DOCK8: variants seen among roughly 807,000 people sequenced by gnomAD.
DOCK8 encodes dedicator of cytokinesis 8, also known as dedicator of cytokinesis protein 8.
DOCK8 carries 141 observed loss-of-function variants against 245.6 expected under a neutral mutation model. The observed-to-expected ratio is 0.57, with a 90% CI of 0.50 to 0.66. The LOEUF (loss-of-function observed/expected upper bound fraction) is 0.66, where lower values mean the gene tolerates loss of function less well. Among genes scored for constraint, DOCK8 ranks in the 30% least tolerant of loss-of-function variants. DOCK8 has a pLI of 0.00. For missense variants in DOCK8, 2,965 were observed against 2,603.4 expected (o/e 1.14, Z -3.02); for synonymous variants, 1,168 against 970.2 (o/e 1.20, Z -3.79).
chr9:409,484 G>A (rs1434949771), intron 28 of DOCK8, among the ~76,000 whole-genome samples: 1 of 151,792 alleles, frequency 6.6e-6, no homozygotes, highest in Non-Finnish European at 1.5e-5. Flanking sequence ...TAAAATTTTG[G>A]TTAATATTTT....
intron 1 of DOCK8, among the ~76,000 whole-genome samples, chr9:262,687 AG>A (rs1314414787): frequency 6.6e-6 from 1 of 151,962 alleles, no homozygotes; most frequent in Non-Finnish European, 1.5e-5. Context: ...GTAAAAATTA[AG>A]AAGGGGCATG....
At chr9:253,063 T>A (rs11795260) in intron 1 of DOCK8, among the ~76,000 whole-genome samples, 4,230 of 152,208 alleles carry the variant, frequency 0.028, 82 homozygotes, top group South Asian at 0.048. Context: ...TTACACTCCA[T>A]CCCTCCTGGA....
intron 14 of DOCK8, 103 bp downstream of exon 14, chr9:340,424 C>A: frequency 6.9e-7 from 1 of 1,453,600 alleles, no homozygotes; most frequent in South Asian, 1.2e-5. Flanking sequence ...AGTTTGAGAC[C>A]AGCCTTGGCA....
In DOCK8 at chr9:265,134, G is replaced by T. The variant is rs2048007475; in HGVS notation, c.54-6493G>T. ...TTTAGTAGAGACGGGGTCTCACCAT[G>T]TTGGCCAGGCTGGTCTTGAACTCCT... On this transcript the variant is annotated intron_variant, in intron 1 of 47. Transcript: ENST00000432829. 1.1e-4 allele frequency among the ~76,000 whole-genome samples: 16 copies of T among 152,292 alleles called. 1 individual carries two copies. In the South Asian group the frequency reaches 3.3e-3, roughly 32 times the overall value.
chr9:453,118 G>A (rs1024310853), intron 46 of DOCK8, among the ~76,000 whole-genome samples: 1 of 152,190 alleles, frequency 6.6e-6, no homozygotes, highest in African/African-American at 2.4e-5. Flanking sequence ...CATTTGTGAG[G>A]TTAGAGATAT....
At chr9:457,757 T>C (rs1441870347) in intron 46 of DOCK8, among the ~76,000 whole-genome samples, 2 of 152,244 alleles carry the variant, frequency 1.3e-5, no homozygotes, top group African/African-American at 4.8e-5. Context: ...AAATAGTTCA[T>C]TTACTTAGCC....
At chr9:299,119 CT>C (rs1030789928) in intron 4 of DOCK8, among the ~76,000 whole-genome samples, 1 of 152,104 alleles carries the variant, frequency 6.6e-6, no homozygotes, top group Non-Finnish European at 1.5e-5. Context: ...TTTGTCACTA[CT>C]TTGAGTTGGT....
chr9:449,857 A>C lies in DOCK8; in HGVS notation c.5891A>C (p.Asn1964Thr). ...KKTLQLAVAI[N>T]QEPPDAKMLQ... is the part of the protein sequence containing the mutation. ...ACCCTGCAGTTAGCAGTTGCCATTA[A>C]CCAGGAGCCGCCTGATGCAAAGATG... The change falls in exon 45 of 48, where the codon AAC (asparagine) becomes ACC (threonine). Residue 1964 changes from asparagine (N) to threonine (T), a missense_variant. Around this residue, in one of 3 missense-constraint regions of DOCK8, gnomAD observed 2,825 missense variants for 2,453.5 expected, o/e 1.15. Coordinates refer to ENST00000432829, the MANE Select transcript of DOCK8 (RefSeq NM_203447.4). 2 of 1,613,700 alleles carry C rather than the reference A, an allele frequency of 1.2e-6. No individual in the cohort carries two copies. Among genetic ancestry groups the C allele is most frequent in the East Asian group, 2.2e-5 (1 of 44,876 alleles).
intron 1 of DOCK8, chr9:267,972 G>A (rs933129459): frequency 2.0e-5 from 3 of 152,176 alleles, no homozygotes; most frequent in Non-Finnish European, 2.9e-5. Context: ...AGTTCTGGTT[G>A]CATATTACAG....
At chr9:428,286 T>C (rs547219416) in intron 34 of DOCK8, 76 bp from the exon 35 acceptor site, 252 of 1,609,692 alleles carry the variant, frequency 1.6e-4, no homozygotes, top group Non-Finnish European at 2.0e-4. Context: ...TCAGCATTAC[T>C]GAGCTAATTG....
intron 16 of DOCK8, among the ~76,000 whole-genome samples, chr9:370,766 C>T (rs1313254956): frequency 6.6e-6 from 1 of 152,106 alleles, no homozygotes; most frequent in Non-Finnish European, 1.5e-5. Context: ...ATAATGCCCA[C>T]CCTATTATTC....
intron 2 of DOCK8, among the ~76,000 whole-genome samples, chr9:277,899 A>G (rs1407208994): frequency 3.3e-5 from 5 of 152,212 alleles, no homozygotes; most frequent in Non-Finnish European, 7.3e-5. Flanking sequence ...GCTTCTGTGC[A>G]ATAAAGCAGC....
At chr9:332,648 CTTTTTTTTTT>C (rs35539095) in intron 10 of DOCK8, among the ~76,000 whole-genome samples, 170 bp downstream of exon 10, 4 of 63,942 alleles carry the variant, frequency 6.3e-5, no homozygotes, top group African/African-American at 1.4e-4. Flanking sequence ...CCGATGATGA[CTTTTTTTTTT>C]TTTTTTTTTT....
intron 34 of DOCK8, 55 bp from the exon 35 acceptor site, chr9:428,307 C>G (rs968705568): frequency 1.2e-6 from 2 of 1,612,890 alleles, no homozygotes; most frequent in South Asian, 1.1e-5. Context: ...TCAGGAACAT[C>G]CAGTTCATTG....
intron 5 of DOCK8, among the ~76,000 whole-genome samples, chr9:305,922 G>A (rs1324849642): frequency 5.3e-5 from 8 of 152,172 alleles, no homozygotes; most frequent in Non-Finnish European, 1.2e-4. Flanking sequence ...GTGGTCGCCA[G>A]GGGCTGGGGG....
chr9:348,868 C>T (rs529034118), intron 14 of DOCK8, among the ~76,000 whole-genome samples: 64 of 152,246 alleles, frequency 4.2e-4, no homozygotes, highest in African/African-American at 1.4e-3. Flanking sequence ...CAGTTCTGAC[C>T]TCCTCATGTG....
chr9:354,177 C>T (rs1317857506), intron 14 of DOCK8, among the ~76,000 whole-genome samples: 3 of 151,940 alleles, frequency 2.0e-5, no homozygotes, highest in African/African-American at 4.8e-5. Flanking sequence ...ACTAAAAATA[C>T]TAAACTTAGC....
chr9:439,469 T>C, intron 40 of DOCK8, 81 bp downstream of exon 40: 2 of 1,570,894 alleles, frequency 1.3e-6, no homozygotes, highest in Non-Finnish European at 1.7e-6. Flanking sequence ...CTGGTCTTAA[T>C]GGCCCAGTCA....
chr9:319,371 C>T (rs1307453572), intron 7 of DOCK8, among the ~76,000 whole-genome samples: 1 of 152,156 alleles, frequency 6.6e-6, no homozygotes, highest in African/African-American at 2.4e-5. Flanking sequence ...ACTGCCAAAG[C>T]AGAAATTAAG....
Sources: allele counts gnomAD v4.1 joint callset (sites outside exome capture counted in the v4.1 genomes callset), GRCh38; gene constraint gnomAD v4.1.1; regional missense constraint gnomAD v4.1.1; transcripts MANE v1.5; gene names NCBI Gene and HGNC (gene_info 2026-07-23, HGNC 2026-07-21).